SAMD5: variants seen among roughly 807,000 people sequenced by gnomAD.
The protein encoded by SAMD5 is sterile alpha motif domain containing 5.
Under a neutral mutation model 11.3 loss-of-function variants are expected in SAMD5, and 13 were observed. The ratio of observed to expected loss-of-function variants is 1.15; its 90% CI spans 0.75 to 1.83. The LOEUF (loss-of-function observed/expected upper bound fraction) is 1.83. SAMD5 is among the 40% of genes most tolerant of loss of function. SAMD5 has a pLI of 0.00. For synonymous variants in SAMD5, 129 were observed against 111.3 expected, an observed-to-expected ratio of 1.16 and a Z score of -1.00; for missense variants, 255 against 239.1, an observed-to-expected ratio of 1.07 and a Z score of -0.44.
At chr6:147,777,893 C>G in the SAMD5 span, among the ~76,000 whole-genome samples, 1 of 152,182 alleles carries the variant, frequency 6.6e-6, no homozygotes, top group African/African-American at 2.4e-5. Flanking sequence ...TATAGCCCAT[C>G]ATATTTACCC....
At chr6:147,635,781 A>T (rs1049077159) in intron 1 of SAMD5, among the ~76,000 whole-genome samples, 1 of 152,166 alleles carries the variant, frequency 6.6e-6, no homozygotes, top group Non-Finnish European at 1.5e-5. Flanking sequence ...TTTAGTTGGG[A>T]CCTTAGAATG....
At position 147,737,241 on chromosome 6, in the gene SAMD5, C is replaced by CTTCACCG. The variant is rs1250236947; in HGVS notation, c.163-76_163-75insTTCACCG. On this transcript the variant is annotated intron_variant, in intron 1 of 1. Coordinates refer to the SAMD5 transcript ENST00000566741. The stretch of plus-strand genomic sequence containing the variant: ...CGGGAAGGGTGAGTTTTCAGTTCCC[C>CTTCACCG]CTTCACCGTGCTTTTTCACTATGAT... 10 of 843,604 alleles carry CTTCACCG rather than the reference C, an allele frequency of 1.2e-5. No homozygotes were observed. In the African/African-American group the frequency reaches 1.8e-4, roughly 15 times the overall value. 52.3% of individuals were successfully genotyped at this position (843,604 alleles called of 1,614,324 possible).
At chr6:147,509,926 T>C (rs1159530181) in intron 1 of SAMD5, among the ~76,000 whole-genome samples, 1 of 152,146 alleles carries the variant, frequency 6.6e-6, no homozygotes, top group African/African-American at 2.4e-5. Flanking sequence ...AAGCTTACCA[T>C]TCACATGAGC....
the SAMD5 span, among the ~76,000 whole-genome samples, chr6:147,888,996 C>A: frequency 6.6e-6 from 1 of 152,104 alleles, no homozygotes; most frequent in South Asian, 2.1e-4. Flanking sequence ...ATTTGTTGAC[C>A]TTTTTGGACC....
chr6:147,553,542 C>T (rs1788806464), intron 1 of SAMD5, among the ~76,000 whole-genome samples: 1 of 152,272 alleles, frequency 6.6e-6, no homozygotes, highest in Admixed American at 6.5e-5. Context: ...GGACACGATG[C>T]CATAAGGTTA....
At chr6:147,829,618 T>TGTGTGTGTGG in the SAMD5 span, among the ~76,000 whole-genome samples, 5,978 of 152,158 alleles carry the variant, frequency 0.039, 151 homozygotes, top group Non-Finnish European at 0.052. Context: ...ATTTATGTAG[T>TGTGTGTGTGG]GTGTGTGTGG....
chr6:147,853,392 C>T, the SAMD5 span, among the ~76,000 whole-genome samples: 4 of 151,964 alleles, frequency 2.6e-5, no homozygotes, highest in African/African-American at 7.2e-5. Context: ...TGAACTGTAG[C>T]AGGAAGCTAA....
At chr6:147,716,325 C>T (rs562114433) in intron 1 of SAMD5, among the ~76,000 whole-genome samples, 11 of 152,330 alleles carry the variant, frequency 7.2e-5, no homozygotes, top group South Asian at 2.1e-4. Context: ...AACCTTGCTC[C>T]GAGATCAGAG....
At chr6:147,530,341 C>A (rs1439380616) in intron 1 of SAMD5, among the ~76,000 whole-genome samples, 1 of 152,204 alleles carries the variant, frequency 6.6e-6, no homozygotes, top group Non-Finnish European at 1.5e-5. Context: ...TGTGCAGGGA[C>A]GTTTTACTTG....
intron 1 of SAMD5, among the ~76,000 whole-genome samples, chr6:147,549,596 A>G (rs1788736955): frequency 6.6e-6 from 1 of 152,098 alleles, no homozygotes; most frequent in Admixed American, 6.6e-5. Context: ...CCCTTCACAC[A>G]TCGCGTCGGT....
the SAMD5 span, among the ~76,000 whole-genome samples, chr6:147,841,252 T>TTC: frequency 6.6e-6 from 1 of 152,200 alleles, no homozygotes; most frequent in African/African-American, 2.4e-5. Flanking sequence ...AAAGCAGAGC[T>TTC]TATTTAAGGT....
At chr6:147,867,210 A>T in the SAMD5 span, among the ~76,000 whole-genome samples, 11 of 151,162 alleles carry the variant, frequency 7.3e-5, no homozygotes, top group Non-Finnish European at 1.6e-4. Flanking sequence ...TATATATCTA[A>T]TTCACTCTTA....
At chr6:147,863,633 A>G in the SAMD5 span, among the ~76,000 whole-genome samples, 1 of 149,656 alleles carries the variant, frequency 6.7e-6, no homozygotes, top group African/African-American at 2.5e-5. Flanking sequence ...TTTTTTTTTC[A>G]GGCAGACATT....
At chr6:147,917,673 G>T in the SAMD5 span, among the ~76,000 whole-genome samples, 14,583 of 152,160 alleles carry the variant, frequency 0.096, 927 homozygotes, top group South Asian at 0.15. Flanking sequence ...TTTTCTTCTA[G>T]GGTTTTTATG....
At chr6:147,807,754 C>G in the SAMD5 span, among the ~76,000 whole-genome samples, 1 of 152,116 alleles carries the variant, frequency 6.6e-6, no homozygotes, top group Non-Finnish European at 1.5e-5. Context: ...TTTCGTGTGT[C>G]TTACTTGTGT....
chr6:147,917,112 G>T, the SAMD5 span, among the ~76,000 whole-genome samples: 1 of 82,614 alleles, frequency 1.2e-5, no homozygotes, highest in Non-Finnish European at 2.2e-5. Flanking sequence ...TCTAGTTCTA[G>T]ATCCTTGAGG....
the SAMD5 span, among the ~76,000 whole-genome samples, chr6:147,745,490 C>T: frequency 1.3e-5 from 2 of 152,172 alleles, no homozygotes; most frequent in African/African-American, 4.8e-5. Context: ...ACCCGTTTAA[C>T]AGATGATAAT....
chr6:147,654,110 C>T (rs1031365522), intron 1 of SAMD5, among the ~76,000 whole-genome samples: 6 of 152,122 alleles, frequency 3.9e-5, no homozygotes, highest in Middle Eastern at 3.4e-3. Flanking sequence ...TACTTGTGCA[C>T]GCTTTCTCCT....
At chr6:147,636,929 A>G (rs1473607153) in intron 1 of SAMD5, among the ~76,000 whole-genome samples, 2 of 151,916 alleles carry the variant, frequency 1.3e-5, no homozygotes, top group African/African-American at 4.8e-5. Flanking sequence ...TTTTTTTTAA[A>G]GACATCGTAT....
Sources: allele counts gnomAD v4.1 joint callset (sites outside exome capture counted in the v4.1 genomes callset), GRCh38; gene constraint gnomAD v4.1.1; transcripts MANE v1.5; gene names NCBI Gene and HGNC (gene_info 2026-07-23, HGNC 2026-07-21).